Variants in PAK5 observed in about 807,000 individuals in gnomAD.
PAK5 encodes serine/threonine-protein kinase PAK 5.
Under a neutral mutation model 65.9 loss-of-function variants are expected in PAK5, and 16 were observed. That is an observed-to-expected ratio of 0.24 (90% CI 0.16 to 0.37). PAK5 has a LOEUF of 0.37. Ranked by LOEUF, PAK5 falls within the 10% of genes least tolerant of loss-of-function variation. The pLI is 1.00. For missense variants in PAK5, 785 were observed against 903.9 expected (o/e 0.87, Z 1.69); for synonymous variants, 371 against 354.9 (o/e 1.05, Z -0.51).
At position 9,562,965 on chromosome 20, in the gene PAK5, A is replaced by G. The variant is rs759266696; in HGVS notation, c.1542T>C (p.Leu514=). The change falls in exon 6 of 10, where the codon CTT becomes CTC. Residue 514 remains leucine, a synonymous_variant. Transcript: ENST00000353224. ...TGACCACCCAGAGCTCATCGCCGAC[A>G]AGGTAGCTGCTGTACATGTCAACCA... is the stretch of plus-strand genomic sequence containing the variant. ...DNVVDMYSSY[L]VGDELWVVME... is the part of the protein sequence containing the mutation. The G allele has an allele frequency of 6.2e-6, 10 of 1,613,442 alleles. No individual in the cohort carries two copies. Among genetic ancestry groups the G allele is most frequent in the African/African-American group, 1.3e-5 (1 of 74,884 alleles).
At chr20:9,684,728 TTAGGCATTAGTA>T (rs1184336695) in intron 2 of PAK5, among the ~76,000 whole-genome samples, 3 of 152,230 alleles carry the variant, frequency 2.0e-5, no homozygotes, top group African/African-American at 7.2e-5. Context: ...GTTTCTTCAG[TTAGGCATTAGTA>T]TTTTTAAGCC....
intron 2 of PAK5, among the ~76,000 whole-genome samples, chr20:9,710,030 T>C (rs570026586): frequency 6.6e-6 from 1 of 152,324 alleles, no homozygotes; most frequent in South Asian, 2.1e-4. Context: ...TGAAATTGGA[T>C]TTTAATTTTC....
intron 1 of PAK5, among the ~76,000 whole-genome samples, chr20:9,723,092 G>A (rs2423437): frequency 0.65 from 99,197 of 152,020 alleles, 32,963 homozygotes; most frequent in South Asian, 0.85. Flanking sequence ...AGCCATTGAC[G>A]AGCGTGGAGC....
rs1457731340 is a variant in PAK5 at position 9,766,507 on chromosome 20, TATATATTCAAGCAGA to T, written c.-161-55087_-161-55073del. Reference sequence around the variant, plus strand: ...TATATTCAAGCAGAATATATATATATATATATTCAAGCAGAATATATATATATATATATATATATA... The same window carrying T: ...TATATTCAAGCAGAATATATATATATATATATATATATATATATATATATA... On this transcript the variant is annotated intron_variant, in intron 1 of 9. Transcript: ENST00000353224. Among the ~76,000 whole-genome samples the T allele has an allele frequency of 8.1e-4, 35 of 43,080 alleles. 4 individuals carry two copies. Among genetic ancestry groups the T allele is most frequent in the African/African-American group, 6.5e-3 (34 of 5,258 alleles). The allele number at this position is 43,080 out of a possible 152,430, so 28.3% of individuals were successfully genotyped here.
chr20:9,771,814 C>T (rs566982656), intron 1 of PAK5, among the ~76,000 whole-genome samples: 5 of 152,038 alleles, frequency 3.3e-5, no homozygotes, highest in Admixed American at 1.3e-4. Flanking sequence ...CGGGGGAGGG[C>T]GGATCACTTG....
chr20:9,744,838 T>G (rs1393921421), intron 1 of PAK5, among the ~76,000 whole-genome samples: 3 of 152,198 alleles, frequency 2.0e-5, no homozygotes, highest in African/African-American at 7.2e-5. Context: ...AATTTCAAGT[T>G]TTGTTTTTCA....
At chr20:9,602,310 A>G (rs1337479445) in intron 3 of PAK5, among the ~76,000 whole-genome samples, 1 of 150,560 alleles carries the variant, frequency 6.6e-6, no homozygotes, top group African/African-American at 2.4e-5. Context: ...AAATAAATAA[A>G]TAAATAAATA....
intron 1 of PAK5, among the ~76,000 whole-genome samples, chr20:9,754,498 T>A (rs371885735): frequency 3.3e-5 from 5 of 152,174 alleles, no homozygotes; most frequent in African/African-American, 1.2e-4. Flanking sequence ...ATCCATTGAG[T>A]GCAAGGTCTG....
rs114542312 is a variant in PAK5 at position 9,636,943 on chromosome 20, G to A, written c.204+7182C>T. On this transcript the variant is annotated intron_variant, in intron 3 of 9. Transcript: ENST00000353224. ...TCTTAAAATTATTGAGGACCTAAAA[G>A]AGACCTTAGTTTATATTATATCTAT... Among the ~76,000 whole-genome samples, 414 of 152,148 alleles carry A rather than the reference G, an allele frequency of 2.7e-3. 3 individuals carry two copies. Among genetic ancestry groups the A allele is most frequent in the African/African-American group, 9.5e-3 (392 of 41,440 alleles).
intron 3 of PAK5, among the ~76,000 whole-genome samples, chr20:9,609,948 C>G (rs2046526866): frequency 6.6e-6 from 1 of 151,896 alleles, no homozygotes; most frequent in Non-Finnish European, 1.5e-5. Flanking sequence ...AAGTAAGTGC[C>G]AAATGGTACT....
intron 2 of PAK5, among the ~76,000 whole-genome samples, chr20:9,675,366 A>G (rs1437684497): frequency 6.6e-6 from 1 of 152,196 alleles, no homozygotes; most frequent in African/African-American, 2.4e-5. Flanking sequence ...CAAAGCTCTA[A>G]CTTAAAACCA....
At chr20:9,557,500 G>T in intron 7 of PAK5, 108 bp downstream of exon 7, 2 of 902,042 alleles carry the variant, frequency 2.2e-6, no homozygotes, top group Non-Finnish European at 3.3e-6. Context: ...TAGGTGACTT[G>T]TGACTAAGAA....
chr20:9,629,628 C>G (rs1176547166), intron 3 of PAK5, among the ~76,000 whole-genome samples: 1 of 152,170 alleles, frequency 6.6e-6, no homozygotes, highest in South Asian at 2.1e-4. Context: ...CCGAGCTCTT[C>G]CTTTCTTTTA....
chr20:9,825,106 G>A (rs541073269), intron 1 of PAK5, among the ~76,000 whole-genome samples: 3 of 152,286 alleles, frequency 2.0e-5, no homozygotes, highest in Admixed American at 6.5e-5. Context: ...AGAGCCAAAT[G>A]TTCTTCTGTT....
chr20:9,589,212 G>A (rs911349590), intron 3 of PAK5, among the ~76,000 whole-genome samples: 10 of 152,104 alleles, frequency 6.6e-5, no homozygotes, highest in Non-Finnish European at 7.4e-5. Flanking sequence ...GATTCTCTCA[G>A]AACTTATGTA....
chr20:9,758,353 T>A (rs1364257829), intron 1 of PAK5, among the ~76,000 whole-genome samples: 1 of 151,876 alleles, frequency 6.6e-6, no homozygotes, highest in Non-Finnish European at 1.5e-5. Context: ...TAGAAGGGAG[T>A]GGCATCGAAC....
In PAK5 at chr20:9,542,623, C is replaced by A. The variant is rs367986819; in HGVS notation, c.1967G>T (p.Arg656Leu). 1.2e-6 allele frequency: 2 copies of A among 1,613,902 alleles called. No homozygotes were observed. The highest frequency in any genetic ancestry group is 4.5e-5 in the East Asian group (2 of 44,872). Residue 656 changes from arginine to leucine, a missense_variant, in exon 9 of 10, where the codon CGG becomes CTG. Coordinates refer to ENST00000353224, the MANE Select transcript of PAK5 (RefSeq NM_177990.4). Reference sequence around the variant, plus strand: ...CTTCACTCTTGGAGGTAAACTGTCCCGGATCCTCCGCATCGCCTGGAGGGG... The same window carrying A: ...CTTCACTCTTGGAGGTAAACTGTCCAGGATCCTCCGCATCGCCTGGAGGGG... ...EPPLQAMRRIRDSLPPRVKDL... is the reference protein window; with the variant it reads ...EPPLQAMRRILDSLPPRVKDL...
chr20:9,670,850 T>C (rs1226791930), intron 2 of PAK5, among the ~76,000 whole-genome samples: 1 of 152,220 alleles, frequency 6.6e-6, no homozygotes, highest in African/African-American at 2.4e-5. Context: ...TCCTTGCCCA[T>C]GCCTATGTCC....
intron 3 of PAK5, among the ~76,000 whole-genome samples, chr20:9,603,102 C>A (rs1489291900): frequency 3.9e-5 from 6 of 152,196 alleles, no homozygotes; most frequent in African/African-American, 1.4e-4. Flanking sequence ...GTGCAGCAAG[C>A]TGGAAGGAAT....
Sources: gnomAD v4.1 joint callset for allele counts (sites outside exome capture counted in the v4.1 genomes callset) on GRCh38, gnomAD v4.1.1 for gene constraint, MANE v1.5 for transcripts, NCBI Gene and HGNC (gene_info 2026-07-23, HGNC 2026-07-21) for gene names.